MPP7: variants seen among roughly 807,000 people sequenced by gnomAD.
The protein encoded by MPP7 is MAGUK p55 scaffold protein 7.
Under a neutral mutation model 76.5 loss-of-function variants are expected in MPP7, and 60 were observed. The observed-to-expected ratio is 0.78, with a 90% CI of 0.64 to 0.97. The LOEUF is 0.97. Among genes scored for constraint, MPP7 ranks in the 50% least tolerant of loss-of-function variants. MPP7 has a pLI of 0.00. For missense variants in MPP7, 641 were observed against 694.0 expected (o/e 0.92, Z 0.86); for synonymous variants, 237 against 244.5 (o/e 0.97, Z 0.29).
chr10:28,142,254 T>C (rs1835546017), intron 5 of MPP7, among the ~76,000 whole-genome samples: 1 of 152,108 alleles, frequency 6.6e-6, no homozygotes, highest in South Asian at 2.1e-4. Flanking sequence ...TAAGGAGAAA[T>C]CTATAATAAT....
chr10:28,227,132 T>C (rs997289187), intron 2 of MPP7, among the ~76,000 whole-genome samples: 14 of 152,070 alleles, frequency 9.2e-5, no homozygotes, highest in African/African-American at 3.4e-4. Context: ...ATTTTGTGAG[T>C]AGTGACAAGG....
chr10:28,182,719 A>T (rs1216368738), intron 3 of MPP7, among the ~76,000 whole-genome samples: 1 of 152,260 alleles, frequency 6.6e-6, no homozygotes, highest in African/African-American at 2.4e-5. Context: ...CAATGTAAAC[A>T]AATGAATTAG....
intron 1 of MPP7, among the ~76,000 whole-genome samples, chr10:28,270,532 A>AAAGGGGG (rs1304530937): frequency 3.2e-4 from 5 of 15,502 alleles, no homozygotes; most frequent in Non-Finnish European, 3.6e-4. Context: ...AAAAAAAAAA[A>AAAGGGGG]GGGGGGGGGG....
At chr10:28,110,889 C>T (rs1834485480) in intron 11 of MPP7, among the ~76,000 whole-genome samples, 1 of 152,086 alleles carries the variant, frequency 6.6e-6, no homozygotes, top group Non-Finnish European at 1.5e-5. Context: ...TGTATTATTT[C>T]AGATTACATT....
At chr10:28,161,518 C>A (rs1253902490) in intron 3 of MPP7, among the ~76,000 whole-genome samples, 2 of 151,948 alleles carry the variant, frequency 1.3e-5, no homozygotes, top group Non-Finnish European at 2.9e-5. Context: ...CATGAATAAT[C>A]AAATATACCC....
intron 1 of MPP7, among the ~76,000 whole-genome samples, chr10:28,263,948 T>C (rs573558628): frequency 9.9e-5 from 15 of 152,066 alleles, no homozygotes; most frequent in African/African-American, 3.6e-4. Context: ...AGAGCTTCAA[T>C]CCCCAGAAAA....
chr10:28,118,581 A>G (rs1345780248), intron 11 of MPP7: 61 of 985,290 alleles, frequency 6.2e-5, no homozygotes, highest in Non-Finnish European at 7.0e-5. Context: ...ATCACGCTTA[A>G]GAACAGTGCA....
chr10:28,288,880 CT>C (rs1312071643), intron 1 of MPP7, among the ~76,000 whole-genome samples: 1 of 152,150 alleles, frequency 6.6e-6, no homozygotes, highest in African/African-American at 2.4e-5. Context: ...GAGAAAGGGC[CT>C]TATGAGCAGA....
At chr10:28,072,090 A>G (rs1246150996) in intron 12 of MPP7, among the ~76,000 whole-genome samples, 1 of 152,114 alleles carries the variant, frequency 6.6e-6, no homozygotes, top group Non-Finnish European at 1.5e-5. Context: ...CCTGGCCAAC[A>G]TGGTCAAACC....
chr10:28,076,315 C>T (rs527509264), intron 12 of MPP7, among the ~76,000 whole-genome samples: 1 of 152,034 alleles, frequency 6.6e-6, no homozygotes, highest in East Asian at 1.9e-4. Flanking sequence ...AGGGAAAGGG[C>T]GAAAGACATA....
chr10:28,075,594 T>C (rs574262745), intron 12 of MPP7, among the ~76,000 whole-genome samples: 1 of 152,198 alleles, frequency 6.6e-6, no homozygotes, highest in Non-Finnish European at 1.5e-5. Flanking sequence ...TCCTGCTTCC[T>C]GAAACGTGGC....
intron 15 of MPP7, chr10:28,057,655 G>A (rs12217744): frequency 0.28 from 90,491 of 320,548 alleles, 10,854 homozygotes; most frequent in East Asian, 0.54. Flanking sequence ...CCCAGTTTCA[G>A]GTATTTCTTC....
chr10:28,073,485 T>C (rs983642428), intron 12 of MPP7, among the ~76,000 whole-genome samples: 4 of 152,168 alleles, frequency 2.6e-5, no homozygotes, highest in African/African-American at 9.7e-5. Context: ...AATCTTTACA[T>C]GGAGCTGAGG....
intron 1 of MPP7, among the ~76,000 whole-genome samples, chr10:28,239,038 T>C (rs957155761): frequency 2.6e-5 from 4 of 152,238 alleles, no homozygotes; most frequent in African/African-American, 9.6e-5. Context: ...TGTAAGTCAA[T>C]GTCATTCTCA....
intron 1 of MPP7, among the ~76,000 whole-genome samples, chr10:28,331,461 A>C (rs775654760): frequency 6.6e-6 from 1 of 152,204 alleles, no homozygotes; most frequent in Admixed American, 6.5e-5. Flanking sequence ...TTTAACCCTA[A>C]TTGTTGGTCT....
chr10:28,217,658 T>C (rs567733760), intron 2 of MPP7, among the ~76,000 whole-genome samples: 28 of 152,014 alleles, frequency 1.8e-4, no homozygotes, highest in Non-Finnish European at 3.7e-4. Flanking sequence ...ACCTTTATTA[T>C]AGAAATTATC....
rs1386148605 is a variant in MPP7, at chr10:28,147,650, CA to C, written c.235-88del. Reference sequence around the variant, plus strand: ...GTGACAACTGAGAATCTAACTTGCTCAAGGCTATTACTTTCCAATGTTTAAG... The same window carrying C: ...GTGACAACTGAGAATCTAACTTGCTCAGGCTATTACTTTCCAATGTTTAAG... On this transcript the variant is annotated intron_variant, in intron 4 of 16. Transcript: ENST00000683449. The C allele has an allele frequency of 3.6e-6, 4 of 1,115,284 alleles. No individual in the cohort carries two copies. The African/African-American group carries it at 6.1e-5, about 17-fold the overall frequency. 69.1% of individuals were successfully genotyped at this position (1,115,284 alleles called of 1,614,324 possible). A position where few individuals can be genotyped will look rare whatever the true frequency, so the allele number is the denominator to read the frequency against.
intron 3 of MPP7, among the ~76,000 whole-genome samples, chr10:28,191,493 GA>G: frequency 6.6e-6 from 1 of 152,278 alleles, no homozygotes; most frequent in East Asian, 1.9e-4. Context: ...TCTGAAATCT[GA>G]AATGCTCCAA....
At chr10:28,060,423 T>C (rs1013358033) in intron 13 of MPP7, among the ~76,000 whole-genome samples, 2 of 152,206 alleles carry the variant, frequency 1.3e-5, no homozygotes, top group Admixed American at 6.5e-5. Context: ...ATGGCAAATG[T>C]AAACCCACTA....
Sources: allele counts gnomAD v4.1 joint callset (sites outside exome capture counted in the v4.1 genomes callset), GRCh38; gene constraint gnomAD v4.1.1; transcripts MANE v1.5; gene names NCBI Gene and HGNC (gene_info 2026-07-23, HGNC 2026-07-21).